LRFN5: variants seen among roughly 807,000 people sequenced by gnomAD.
The protein encoded by LRFN5 is leucine rich repeat and fibronectin type III domain containing 5.
LRFN5 carries 24 observed loss-of-function variants against 45.6 expected under a neutral mutation model. That is an observed-to-expected ratio of 0.53 (90% CI 0.38 to 0.74). LRFN5 has a LOEUF of 0.74. LRFN5 is among the 30% of genes least tolerant of loss of function. The probability of loss-of-function intolerance (pLI) is 0.00; values close to 1 mark genes in which losing one functional copy is unlikely to be tolerated. For synonymous variants in LRFN5, 340 were observed against 313.8 expected (o/e 1.08, Z -0.88); for missense variants, 776 against 861.5 (o/e 0.90, Z 1.24).
chr14:41,714,637 G>A (rs1883415705), intron 1 of LRFN5, among the ~76,000 whole-genome samples: 1 of 152,060 alleles, frequency 6.6e-6, no homozygotes. Context: ...TGGATGTGGT[G>A]GCTCATGCCT....
chr14:41,636,140 C>G (rs908561539), intron 1 of LRFN5, among the ~76,000 whole-genome samples: 2 of 152,002 alleles, frequency 1.3e-5, no homozygotes, highest in African/African-American at 4.8e-5. Flanking sequence ...TTGGAACTTA[C>G]GAGTATAATC....
chr14:41,801,420 A>G (rs567462502), intron 2 of LRFN5, among the ~76,000 whole-genome samples: 1 of 152,286 alleles, frequency 6.6e-6, no homozygotes, highest in South Asian at 2.1e-4. Context: ...GTAATGTAGA[A>G]CTTTTAGTCA....
chr14:41,693,750 T>G (rs1189698449), intron 1 of LRFN5, among the ~76,000 whole-genome samples: 1 of 152,052 alleles, frequency 6.6e-6, no homozygotes, highest in Non-Finnish European at 1.5e-5. Context: ...TTTCTGATCT[T>G]TATAACTTTT....
intron 2 of LRFN5, among the ~76,000 whole-genome samples, chr14:41,831,994 A>G (rs1029916602): frequency 6.6e-6 from 1 of 152,068 alleles, no homozygotes; most frequent in African/African-American, 2.4e-5. Context: ...TTTCTCTTCC[A>G]CTTCTTATAA....
At chr14:41,701,396 C>G (rs1358545638) in intron 1 of LRFN5, 1 of 152,152 alleles carries the variant, frequency 6.6e-6, no homozygotes, top group African/African-American at 2.4e-5. Context: ...CAATTTCTTA[C>G]TGCTAGAGCT....
chr14:41,726,075 A>T (rs1008252525), intron 1 of LRFN5, among the ~76,000 whole-genome samples: 3 of 152,172 alleles, frequency 2.0e-5, no homozygotes, highest in Non-Finnish European at 4.4e-5. Context: ...ACGATTGATG[A>T]TCACAACACA....
chr14:41,623,645 G>T (rs532344172), intron 1 of LRFN5, among the ~76,000 whole-genome samples: 7 of 152,072 alleles, frequency 4.6e-5, no homozygotes, highest in African/African-American at 1.7e-4. Context: ...ATAAAGCTGT[G>T]TGAGAACATT....
intron 2 of LRFN5, among the ~76,000 whole-genome samples, chr14:41,827,235 A>C (rs983721799): frequency 6.6e-6 from 1 of 152,078 alleles, no homozygotes; most frequent in Non-Finnish European, 1.5e-5. Flanking sequence ...TTTTATATCA[A>C]CCTACTGGCA....
chr14:41,785,345 T>C (rs1419181766), intron 2 of LRFN5, among the ~76,000 whole-genome samples: 1 of 152,112 alleles, frequency 6.6e-6, no homozygotes, highest in African/African-American at 2.4e-5. Flanking sequence ...CATTTTTCTC[T>C]TCTTTTCTTG....
chr14:41,889,897 T>G (rs1178055892), intron 3 of LRFN5, among the ~76,000 whole-genome samples: 1 of 152,174 alleles, frequency 6.6e-6, no homozygotes, highest in Admixed American at 6.5e-5. Flanking sequence ...AAGGTCTTGC[T>G]GTGTCTCCCA....
rs1890856392 is a variant in LRFN5, at chr14:41,893,752, G to A, written c.2098+1790G>A. ...AGAGATTACTTTCAGTGCCAGTCTT[G>A]AAAATAATTATCCAATGGGCTTTTT... On this transcript the variant is annotated intron_variant, in intron 4 of 5. Transcript: ENST00000298119. The A allele has an allele frequency of 8.1e-6, 8 of 985,168 alleles. No individual in the cohort carries two copies. In the South Asian group the frequency reaches 3.3e-4, roughly 40 times the overall value. 61.0% of individuals were successfully genotyped at this position (985,168 alleles called of 1,614,324 possible).
chr14:41,704,287 C>T (rs1272248125), intron 1 of LRFN5, among the ~76,000 whole-genome samples: 1 of 152,036 alleles, frequency 6.6e-6, no homozygotes, highest in Non-Finnish European at 1.5e-5. Flanking sequence ...CGTGATTTCC[C>T]TTTCTCTCTT....
chr14:41,678,602 T>C lies in LRFN5; in HGVS notation c.-197+70040T>C, dbSNP rs1594609163. Among the ~76,000 whole-genome samples, 3 of 152,280 alleles carry C rather than the reference T, an allele frequency of 2.0e-5. No homozygotes were observed. The Middle Eastern group carries it at 0.01, about 518-fold the overall frequency. ...TGAAAGAATATAAGTTCTTCTAAAG[T>C]GCATATTAACAATTCCCAGTATATA... On this transcript the variant is annotated intron_variant, in intron 1 of 5. Transcript: ENST00000298119.
intron 2 of LRFN5, among the ~76,000 whole-genome samples, chr14:41,885,814 C>G (rs111427922): frequency 0.01 from 1,585 of 151,754 alleles, 26 homozygotes; most frequent in African/African-American, 0.037. Context: ...GTCAGGAGTT[C>G]GAAACCAGCC....
chr14:41,857,335 A>C (rs1376622328), intron 2 of LRFN5, among the ~76,000 whole-genome samples: 1 of 152,194 alleles, frequency 6.6e-6, no homozygotes, highest in African/African-American at 2.4e-5. Flanking sequence ...TTATTTAATA[A>C]TACTGTTTCC....
At chr14:41,765,324 T>A (rs368160928) in intron 1 of LRFN5, among the ~76,000 whole-genome samples, 5 of 136,024 alleles carry the variant, frequency 3.7e-5, no homozygotes, top group African/African-American at 1.4e-4. Context: ...CCTGGGCTAC[T>A]GAGCGAGACT....
intron 1 of LRFN5, among the ~76,000 whole-genome samples, chr14:41,623,576 C>T (rs1221935910): frequency 6.6e-6 from 1 of 152,092 alleles, no homozygotes. Context: ...CTTGTGTATG[C>T]AGTCTATATT....
At chr14:41,901,668 A>T (rs1036912250) in intron 5 of LRFN5, among the ~76,000 whole-genome samples, 1 of 152,116 alleles carries the variant, frequency 6.6e-6, no homozygotes, top group South Asian at 2.1e-4. Flanking sequence ...GCTAATATTG[A>T]TTATGAATAC....
intron 1 of LRFN5, among the ~76,000 whole-genome samples, chr14:41,732,540 C>G (rs531784348): frequency 6.6e-6 from 1 of 152,232 alleles, no homozygotes; most frequent in South Asian, 2.1e-4. Flanking sequence ...CTTAAGTTTA[C>G]ATTTCAGGCG....
Sources: allele counts gnomAD v4.1 joint callset (sites outside exome capture counted in the v4.1 genomes callset), GRCh38; gene constraint gnomAD v4.1.1; transcripts MANE v1.5; gene names NCBI Gene and HGNC (gene_info 2026-07-23, HGNC 2026-07-21).